CETN3: variants seen among roughly 807,000 people sequenced by gnomAD.
CETN3 encodes the protein centrin 3.
In CETN3, 17 loss-of-function variants were observed where a neutral mutation model predicts 20.1. That is an observed-to-expected ratio of 0.85 (90% CI 0.58 to 1.27). CETN3 has a LOEUF of 1.27. CETN3 is among the 50% of genes most tolerant of loss of function. The pLI is 0.00. For missense variants in CETN3, 169 were observed against 191.2 expected, an observed-to-expected ratio of 0.88 and a Z score of 0.69; for synonymous variants, 52 against 59.7, an observed-to-expected ratio of 0.87 and a Z score of 0.59.
At chr5:90,409,055 C>A (rs920892167) in intron 1 of CETN3, among the ~76,000 whole-genome samples, 1 of 152,046 alleles carries the variant, frequency 6.6e-6, no homozygotes, top group African/African-American at 2.4e-5. Flanking sequence ...TTTTACGGTA[C>A]AACGTCTACA....
chr5:90,402,282 A>G lies in CETN3; in HGVS notation c.269-2733T>C, dbSNP rs114816897. Among the ~76,000 whole-genome samples, 1,310 of 152,276 alleles carry G rather than the reference A, an allele frequency of 8.6e-3. 21 individuals carry two copies. Among genetic ancestry groups the G allele is most frequent in the African/African-American group, 0.03 (1,247 of 41,548 alleles). Reference sequence around the variant, plus strand: ...ATACTCTCATCAGTTTTCTTTCTCAAACATATCATATCCCCTTCCCTTAAA... The same window carrying G: ...ATACTCTCATCAGTTTTCTTTCTCAGACATATCATATCCCCTTCCCTTAAA... On this transcript the variant is annotated intron_variant, in intron 3 of 4. Coordinates refer to ENST00000283122, the MANE Select transcript of CETN3 (RefSeq NM_004365.4).
At chr5:90,401,994 A>AC in intron 3 of CETN3, among the ~76,000 whole-genome samples, 1 of 152,200 alleles carries the variant, frequency 6.6e-6, no homozygotes, top group East Asian at 1.9e-4. Flanking sequence ...GACTACAGGC[A>AC]TGTGCCATCA....
At position 90,407,721 on chromosome 5, in the gene CETN3, G is replaced by T; in HGVS notation, c.131C>A (p.Ala44Glu). The change falls in exon 2 of 5, where the codon GCA becomes GAA. Residue 44 changes from alanine to glutamate, a missense_variant. By Grantham distance (107) the Ala-to-Glu change is moderately radical. Transcript: ENST00000283122. Reference sequence around the variant, plus strand: ...TACCTTTAATTCATGATAATCTATTGCTTCATCTTTGTCTGTATCAAATAG... The same window carrying T: ...TACCTTTAATTCATGATAATCTATTTCTTCATCTTTGTCTGTATCAAATAG... The part of the protein sequence containing the change: ...FELFDTDKDE[A>E]IDYHELKVAM... The T allele has an allele frequency of 6.5e-7, 1 of 1,545,380 alleles. No homozygotes were observed. Among genetic ancestry groups the T allele is most frequent in the Non-Finnish European group, 8.8e-7 (1 of 1,134,660 alleles).
chr5:90,396,254 A>C, intron 4 of CETN3: 1 of 985,214 alleles, frequency 1.0e-6, no homozygotes, highest in Non-Finnish European at 1.2e-6. Flanking sequence ...GGAACTATGA[A>C]GCCATGCAAT....
intron 3 of CETN3, among the ~76,000 whole-genome samples, chr5:90,401,138 C>A (rs771450474): frequency 6.6e-6 from 1 of 152,130 alleles, no homozygotes; most frequent in Non-Finnish European, 1.5e-5. Context: ...AAATTCTTAT[C>A]CCACTGGTAC....
At position 90,407,714 on chromosome 5, in the gene CETN3, A is replaced by C; in HGVS notation, c.138T>G (p.Asp46Glu). Residue 46 changes from aspartate to glutamate, a missense_variant, in exon 2 of 5, where the codon GAT becomes GAG. By Grantham distance (45) the Asp-to-Glu change is conservative. Coordinates refer to ENST00000283122, the MANE Select transcript of CETN3 (RefSeq NM_004365.4). ...ATACCATTACCTTTAATTCATGATA[A>C]TCTATTGCTTCATCTTTGTCTGTAT... ...LFDTDKDEAIDYHELKVAMRA... is the reference protein window; with the variant it reads ...LFDTDKDEAIEYHELKVAMRA... The C allele has an allele frequency of 6.5e-7, 1 of 1,535,342 alleles. No individual in the cohort carries two copies. Among genetic ancestry groups the C allele is most frequent in the Non-Finnish European group, 8.8e-7 (1 of 1,130,704 alleles).
chr5:90,409,591 T>G, intron 1 of CETN3, 54 bp downstream of exon 1: 1 of 1,608,446 alleles, frequency 6.2e-7, no homozygotes, highest in South Asian at 1.1e-5. Context: ...ACACACACCC[T>G]CCCTGGGCCC....
At chr5:90,406,811 A>G (rs1409337730) in intron 2 of CETN3, among the ~76,000 whole-genome samples, 1 of 141,572 alleles carries the variant, frequency 7.1e-6, no homozygotes, top group Non-Finnish European at 1.6e-5. Flanking sequence ...TGGAACAGAC[A>G]TTATAAAGGA....
intron 4 of CETN3, among the ~76,000 whole-genome samples, chr5:90,397,137 C>T (rs1749154506): frequency 6.6e-6 from 1 of 152,030 alleles, no homozygotes; most frequent in Admixed American, 6.6e-5. Flanking sequence ...TATCAAGGGA[C>T]AACTGAATTC....
intron 4 of CETN3, chr5:90,396,616 T>A: frequency 7.5e-7 from 1 of 1,338,310 alleles, no homozygotes; most frequent in Non-Finnish European, 1.0e-6. Flanking sequence ...TGATTACAAA[T>A]CATTTTAACA....
At chr5:90,399,176 T>C (rs1160892230) in intron 4 of CETN3, 182 bp downstream of exon 4, 4 of 621,148 alleles carry the variant, frequency 6.4e-6, no homozygotes, top group Non-Finnish European at 1.1e-5. Context: ...CTTCTTGAAG[T>C]ATAATTGGTT....
chr5:90,400,349 CAT>C (rs1433443013), intron 3 of CETN3, among the ~76,000 whole-genome samples: 1 of 151,938 alleles, frequency 6.6e-6, no homozygotes, highest in African/African-American at 2.4e-5. Context: ...CATGTAATAA[CAT>C]AGTAATAAGC....
chr5:90,401,217 G>C (rs1000733844), intron 3 of CETN3, among the ~76,000 whole-genome samples: 2 of 152,076 alleles, frequency 1.3e-5, no homozygotes, highest in African/African-American at 4.8e-5. Flanking sequence ...TCCTTAAAAT[G>C]CAGCTTTTCT....
At chr5:90,399,054 T>C in intron 4 of CETN3, 1 of 488,944 alleles carries the variant, frequency 2.0e-6, no homozygotes, top group Non-Finnish European at 3.6e-6. Flanking sequence ...AAGGGGAAAA[T>C]CAATAGAACT....
Position 90,409,724 on chromosome 5 carries a change from G to A in CETN3, c.-63C>T, listed in dbSNP as rs1480167462. 3.1e-6 allele frequency: 5 copies of A among 1,602,340 alleles called. No individual in the cohort carries two copies. The highest frequency in any genetic ancestry group is 4.3e-6 in the Non-Finnish European group (5 of 1,169,608). ...TTTAACCCCCTACCCAAGGCAGCAA[G>A]ACGCCCACAGCCGTTCAACAGACAC... is the stretch of plus-strand genomic sequence containing the variant. On this transcript the variant is annotated 5_prime_UTR_variant, in exon 1 of 5. Transcript: ENST00000283122.
intron 2 of CETN3, among the ~76,000 whole-genome samples, chr5:90,406,362 G>C (rs1395806784): frequency 6.6e-6 from 1 of 151,814 alleles, no homozygotes; most frequent in Non-Finnish European, 1.5e-5. Context: ...AGATGAAGAG[G>C]AGCAGTAGGG....
chr5:90,395,269 G>C (rs550435506), intron 4 of CETN3, among the ~76,000 whole-genome samples: 1 of 152,048 alleles, frequency 6.6e-6, no homozygotes, highest in Non-Finnish European at 1.5e-5. Context: ...CAGACACCAG[G>C]CTTCCTATTC....
At position 90,394,031 on chromosome 5, in the gene CETN3, TG is replaced by T; in HGVS notation, c.*32del. 7.1e-7 allele frequency: 1 copy of T among 1,408,536 alleles called. No homozygotes were observed. The highest frequency in any genetic ancestry group is 9.9e-7 in the Non-Finnish European group (1 of 1,008,404). The allele number at this position is 1,408,536 out of a possible 1,614,324, so 87.3% of individuals were successfully genotyped here. On this transcript the variant is annotated 3_prime_UTR_variant, in exon 5 of 5. Transcript: ENST00000283122. ...CAAAAATAGAATATAAGATGGTAACTGCAACATTCTTAGTGTTTATCCTTGT... is the reference window on the plus strand; with the variant it reads ...CAAAAATAGAATATAAGATGGTAACTCAACATTCTTAGTGTTTATCCTTGT...
chr5:90,407,690 T>C lies in CETN3; in HGVS notation c.153+9A>G, dbSNP rs200909358. ...ACACAGAAACAAATATTTTAAAGTA[T>C]ACCATTACCTTTAATTCATGATAAT... On this transcript the variant is annotated intron_variant, in intron 2 of 4. Coordinates refer to ENST00000283122, the MANE Select transcript of CETN3 (RefSeq NM_004365.4). 1.8e-5 allele frequency: 26 copies of C among 1,468,874 alleles called. No homozygotes were observed. The highest frequency in any genetic ancestry group is 4.8e-5 in the East Asian group (2 of 41,570). 91.0% of individuals were successfully genotyped at this position (1,468,874 alleles called of 1,614,324 possible). A position where few individuals can be genotyped will look rare whatever the true frequency, so the allele number is the denominator to read the frequency against.
Sources: gnomAD v4.1 joint callset for allele counts (sites outside exome capture counted in the v4.1 genomes callset) on GRCh38, gnomAD v4.1.1 for gene constraint, MANE v1.5 for transcripts, NCBI Gene and HGNC (gene_info 2026-07-23, HGNC 2026-07-21) for gene names.